Variants in MCF2L observed in about 807,000 individuals in gnomAD.
MCF2L encodes MCF.2 cell line derived transforming sequence like, also known as guanine nucleotide exchange factor DBS.
A neutral mutation model predicts 153.4 loss-of-function variants in MCF2L; 97 were observed. The ratio of observed to expected loss-of-function variants is 0.63; its 90% CI spans 0.54 to 0.75. MCF2L has a LOEUF of 0.75. Ranked by LOEUF, MCF2L falls within the 30% of genes least tolerant of loss-of-function variation. MCF2L has a pLI of 0.00. For synonymous variants in MCF2L, 659 were observed against 632.2 expected, an observed-to-expected ratio of 1.04 and a Z score of -0.64; for missense variants, 1,347 against 1,495.2, an observed-to-expected ratio of 0.90 and a Z score of 1.64.
intron 2 of MCF2L, 51 bp downstream of exon 2, chr13:113,014,897 G>T (rs60088069): frequency 6.4e-7 from 1 of 1,566,238 alleles, no homozygotes. Flanking sequence ...CTGGGGCCGG[G>T]TGTGGGCCGA....
rs1024110699 is a variant in MCF2L at position 112,904,500 on chromosome 13, G to C, written c.169+2129G>C. On this transcript the variant is annotated intron_variant, in intron 2 of 29. Transcript: ENST00000375608. This position sits in a 1 kb window ranked among gnomAD's most constrained non-coding sequence, Gnocchi z 4.2. ...TGTGGCTGGTCAGAGCACCCACTTAGCAAGCCGTGGCTCTTAATAATGTCA... is the reference window on the plus strand; with the variant it reads ...TGTGGCTGGTCAGAGCACCCACTTACCAAGCCGTGGCTCTTAATAATGTCA... Among the ~76,000 whole-genome samples the C allele has an allele frequency of 1.8e-4, 28 of 152,208 alleles. No individual in the cohort carries two copies. Among genetic ancestry groups the C allele is most frequent in the Non-Finnish European group, 3.4e-4 (23 of 68,038 alleles).
intron 13 of MCF2L, 102 bp from the exon 14 acceptor site, chr13:113,078,261 C>A: frequency 2.1e-6 from 2 of 941,098 alleles, no homozygotes; most frequent in Non-Finnish European, 3.4e-6. Flanking sequence ...GCCTCAGAGG[C>A]CGAGTCCTAC....
chr13:112,934,555 A>ATGCTGCTGCTGCTGCTGCTGCTGC (rs61222550), intron 2 of MCF2L, among the ~76,000 whole-genome samples: 1,730 of 147,448 alleles, frequency 0.012, 38 homozygotes, highest in African/African-American at 0.035. Flanking sequence ...TTTCCAGGGG[A>ATGCTGCTGCTGCTGCTGCTGCTGC]TGCTGCTGCT....
At chr13:112,901,499 C>T (rs149309087) in intron 1 of MCF2L, among the ~76,000 whole-genome samples, 4 of 152,068 alleles carry the variant, frequency 2.6e-5, no homozygotes, top group African/African-American at 9.7e-5. Flanking sequence ...AGGGGTCCTG[C>T]GGGTGGGACG....
chr13:112,985,396 A>G (rs1219889992), intron 1 of MCF2L: 1 of 470,932 alleles, frequency 2.1e-6, no homozygotes, highest in Non-Finnish European at 4.4e-6. Flanking sequence ...GGGGACGGAA[A>G]GGCTGTCCGG....
chr13:113,086,361 C>T, intron 21 of MCF2L, 112 bp downstream of exon 21: 2 of 1,487,940 alleles, frequency 1.3e-6, no homozygotes, highest in Non-Finnish European at 1.8e-6. Context: ...TGTGCAGGTT[C>T]TGGGCAGGAG....
chr13:112,931,252 A>T (rs1420945072), intron 2 of MCF2L, among the ~76,000 whole-genome samples: 2 of 152,172 alleles, frequency 1.3e-5, no homozygotes, highest in Non-Finnish European at 2.9e-5. Flanking sequence ...CAGGGTGCTG[A>T]CCTGCGTGAC....
At chr13:113,096,137 G>A in intron 27 of MCF2L, 1 of 590,022 alleles carries the variant, frequency 1.7e-6, no homozygotes, top group Non-Finnish European at 3.0e-6. Flanking sequence ...CAGCGTGAGG[G>A]GCTGGGGCAG....
chr13:113,027,694 C>T lies in MCF2L; in HGVS notation c.278+2936C>T, dbSNP rs923343275. On this transcript the variant is annotated intron_variant, in intron 3 of 29. Coordinates refer to ENST00000535094, the MANE Select transcript of MCF2L (RefSeq NM_001112732.3). The surrounding 1 kb of genome is among the most constrained non-coding windows in gnomAD (Gnocchi z 4.8). The stretch of plus-strand genomic sequence containing the variant: ...TGGGGCAAGGCTGCGATGCTGCAGA[C>T]GGTTTCCACACATTCCTCCCTGGTT... 2.6e-5 allele frequency among the ~76,000 whole-genome samples: 4 copies of T among 152,302 alleles called. No homozygotes were observed. Among genetic ancestry groups the T allele is most frequent in the East Asian group, 1.9e-4 (1 of 5,176 alleles).
At chr13:112,994,402 G>C (rs1015255341) in intron 1 of MCF2L, among the ~76,000 whole-genome samples, 6 of 151,170 alleles carry the variant, frequency 4.0e-5, no homozygotes, top group Non-Finnish European at 8.9e-5. Flanking sequence ...TGACGTCACT[G>C]TCTGTGCCAG....
intron 2 of MCF2L, among the ~76,000 whole-genome samples, chr13:112,935,471 G>T (rs751017382): frequency 6.6e-6 from 1 of 152,066 alleles, no homozygotes; most frequent in Non-Finnish European, 1.5e-5. Flanking sequence ...TGGCCAGGCT[G>T]GTCTCGAACT....
At chr13:113,018,111 A>G (rs1022993192) in intron 2 of MCF2L, among the ~76,000 whole-genome samples, 2 of 152,180 alleles carry the variant, frequency 1.3e-5, no homozygotes, top group African/African-American at 4.8e-5. Flanking sequence ...AGCTCTGTCC[A>G]GATCCTGGAT....
At position 113,087,243 on chromosome 13, in the gene MCF2L, C is replaced by T. The variant is rs1170848824; in HGVS notation, c.2382C>T (p.Leu794=). ...TGCTGTCGCACATTTAGGGGAATCT[C>T]GGCGACCTGGGCAAGCTGCTGATGC... The part of the protein sequence containing the change: ...LIAITGYDGN[L]GDLGKLLMQG... The change falls in exon 22 of 30, where the codon CTC becomes CTT. Residue 794 remains leucine, a synonymous_variant. Coordinates refer to ENST00000535094, the MANE Select transcript of MCF2L (RefSeq NM_001112732.3). 7.4e-6 allele frequency: 12 copies of T among 1,611,240 alleles called. No homozygotes were observed. The highest frequency in any genetic ancestry group is 2.2e-5 in the East Asian group (1 of 44,882).
chr13:113,005,048 T>G (rs2083595865), intron 1 of MCF2L, among the ~76,000 whole-genome samples: 3 of 152,166 alleles, frequency 2.0e-5, no homozygotes, highest in African/African-American at 7.2e-5. Context: ...CCACCCGCCC[T>G]CCAGAGCTCA....
chr13:112,915,356 C>A (rs980589637), intron 2 of MCF2L, among the ~76,000 whole-genome samples: 1 of 143,276 alleles, frequency 7.0e-6, no homozygotes, highest in Admixed American at 7.3e-5. Flanking sequence ...TTGCAGTGAG[C>A]TGAGATTGCG....
intron 27 of MCF2L, chr13:113,095,521 CCTGGCTACT>C (rs1440512624): frequency 4.0e-5 from 42 of 1,040,342 alleles, no homozygotes; most frequent in Non-Finnish European, 4.6e-5. Flanking sequence ...GGGGAGTGAT[CCTGGCTACT>C]CTGGGCACCA....
intron 2 of MCF2L, among the ~76,000 whole-genome samples, chr13:112,923,257 C>CTTTTTTTTTTTTTT (rs57030206): frequency 2.5e-5 from 2 of 78,446 alleles, no homozygotes; most frequent in East Asian, 3.7e-4. Flanking sequence ...GTGTTTGCTT[C>CTTTTTTTTTTTTTT]TTTTTTTTTT....
chr13:113,045,446 C>T lies in MCF2L; in HGVS notation c.369+85C>T, dbSNP rs140346998. 8.1e-4 allele frequency: 968 copies of T among 1,194,086 alleles called. 13 individuals carry two copies. In the African/African-American group the frequency reaches 0.013, roughly 17 times the overall value. The allele number at this position is 1,194,086 out of a possible 1,614,324, so 74.0% of individuals were successfully genotyped here. A position where few individuals can be genotyped will look rare whatever the true frequency, so the allele number is the denominator to read the frequency against. ...TGGTGCCCTTCCTCTGTGTCTGCCG[C>T]AGTTCCTGCTTTGTGCTGAGTGGGA... On this transcript the variant is annotated intron_variant, in intron 4 of 29. Coordinates refer to ENST00000535094, the MANE Select transcript of MCF2L (RefSeq NM_001112732.3). The surrounding 1 kb of genome is among the most constrained non-coding windows in gnomAD (Gnocchi z 4.2).
rs976721479 is a variant in MCF2L at position 113,099,378 on chromosome 13, A to G, written c.*2519A>G. On this transcript the variant is annotated 3_prime_UTR_variant, in exon 30 of 30. Transcript: ENST00000535094. The stretch of plus-strand genomic sequence containing the variant: ...AAGATCATTGAAACACTGTTTGGCA[A>G]TTTAAAAGCTTGTTTCTAACTCACG... 2 of 152,350 alleles carry G rather than the reference A, an allele frequency of 1.3e-5. No individual in the cohort carries two copies. The highest frequency in any genetic ancestry group is 3.4e-3 in the Middle Eastern group (1 of 296). The allele number at this position is 152,350 out of a possible 1,614,324, so 9.4% of individuals were successfully genotyped here.
Sources: allele counts gnomAD v4.1 joint callset (sites outside exome capture counted in the v4.1 genomes callset), GRCh38; gene constraint gnomAD v4.1.1; non-coding constraint Gnocchi (gnomAD v3.1); transcripts MANE v1.5; gene names NCBI Gene and HGNC (gene_info 2026-07-23, HGNC 2026-07-21).